Variants in KIF1B observed in about 807,000 individuals in gnomAD.
KIF1B encodes the protein kinesin-like protein KIF1B.
In KIF1B, 76 loss-of-function variants were observed where a neutral mutation model predicts 241.9. The ratio of observed to expected loss-of-function variants is 0.31; its 90% confidence interval spans 0.26 to 0.38. KIF1B has a LOEUF of 0.38. Ranked by LOEUF, KIF1B falls within the 10% of genes least tolerant of loss-of-function variation. The pLI is 1.00. For synonymous variants in KIF1B, 750 were observed against 796.7 expected (o/e 0.94, Z 0.99); for missense variants, 1,622 against 2,271.4 (o/e 0.71, Z 5.81).
intron 22 of KIF1B, chr1:10,306,945 C>T (rs1650861226): frequency 1.9e-6 from 2 of 1,044,004 alleles, no homozygotes; most frequent in African/African-American, 3.3e-5. Context: ...TTAGGTAATA[C>T]TGTAGAATGA....
intron 1 of KIF1B, among the ~76,000 whole-genome samples, chr1:10,214,335 G>T (rs1246751097): frequency 1.3e-5 from 2 of 151,614 alleles, no homozygotes; most frequent in East Asian, 1.9e-4. Flanking sequence ...TGTCACCCAG[G>T]CTGGAGTGCA....
chr1:10,363,809 C>T (rs1029980934), intron 41 of KIF1B, among the ~76,000 whole-genome samples: 2 of 152,184 alleles, frequency 1.3e-5, no homozygotes, highest in African/African-American at 4.8e-5. Context: ...CAGCACTTAG[C>T]ATTTCTATGT....
In KIF1B at chr1:10,304,202, A is replaced by G. The variant is rs148481786; in HGVS notation, c.2115+6956A>G. On this transcript the variant is annotated intron_variant, in intron 22 of 48. Transcript: ENST00000676179. Reference sequence around the variant, plus strand: ...AAAGGGAATAAAGAAGAGAGCCAAGAAAAAGGGGGTAAAGGAGCTTTTAAG... The same window carrying G: ...AAAGGGAATAAAGAAGAGAGCCAAGGAAAAGGGGGTAAAGGAGCTTTTAAG... The G allele has an allele frequency of 5.5e-3, 8,921 of 1,614,182 alleles. 47 individuals are homozygous for G. Among genetic ancestry groups the G allele is most frequent in the Non-Finnish European group, 5.6e-3 (6,612 of 1,180,014 alleles).
Position 10,324,653 on chromosome 1 carries a change from C to CT in KIF1B, c.2538-92dup, listed in dbSNP as rs201407650. ...TAACATTAAACAGTGGGAGCAACTC[C>CT]TTTTTTTTTTTTTGAAGAAAATCTT... On this transcript the variant is annotated intron_variant, in intron 25 of 48. Coordinates refer to ENST00000676179, the MANE Select transcript of KIF1B (RefSeq NM_001365951.3). 0.1 allele frequency: 112,374 copies of CT among 1,091,700 alleles called. 446 individuals carry two copies. The highest frequency in any genetic ancestry group is 0.16 in the East Asian group (5,774 of 35,552). The allele number at this position is 1,091,700 out of a possible 1,614,324, so 67.6% of individuals were successfully genotyped here. A position where few individuals can be genotyped will look rare whatever the true frequency, so the allele number is the denominator to read the frequency against.
chr1:10,245,484 AG>A (rs1647197616), intron 2 of KIF1B, among the ~76,000 whole-genome samples: 1 of 152,166 alleles, frequency 6.6e-6, no homozygotes, highest in African/African-American at 2.4e-5. Context: ...AGCTCTCCTA[AG>A]GTTAGTGTTG....
chr1:10,307,603 C>T, intron 22 of KIF1B: 1 of 1,010,056 alleles, frequency 9.9e-7, no homozygotes, highest in Non-Finnish European at 1.2e-6. Context: ...AGCCACCGCG[C>T]CTGGCCTGTT....
intron 17 of KIF1B, among the ~76,000 whole-genome samples, chr1:10,293,801 C>A (rs1650127116): frequency 6.6e-6 from 1 of 152,146 alleles, no homozygotes; most frequent in African/African-American, 2.4e-5. Context: ...AAAGTGAGAT[C>A]TCTGCTTCCA....
intron 2 of KIF1B, among the ~76,000 whole-genome samples, chr1:10,250,712 A>G (rs1647389477): frequency 6.6e-6 from 1 of 152,120 alleles, no homozygotes; most frequent in Non-Finnish European, 1.5e-5. Flanking sequence ...TATAGGCCCA[A>G]TTACTTGGGA....
At position 10,376,711 on chromosome 1, in the gene KIF1B, C is replaced by A; in HGVS notation, c.*124C>A. 1.0e-6 allele frequency: 1 copy of A among 964,212 alleles called. No homozygotes were observed. Among genetic ancestry groups the A allele is most frequent in the South Asian group, 1.3e-5 (1 of 77,166 alleles). 59.7% of individuals were successfully genotyped at this position (964,212 alleles called of 1,614,324 possible). On this transcript the variant is annotated 3_prime_UTR_variant, in exon 49 of 49. Coordinates refer to ENST00000676179, the MANE Select transcript of KIF1B (RefSeq NM_001365951.3). The stretch of plus-strand genomic sequence containing the variant: ...CCTGTGGCTTAACTACTTCTCCCTC[C>A]TTGTCCAGCACTTTTCTAGCTCTCC...
intron 8 of KIF1B, 71 bp downstream of exon 8, chr1:10,271,650 T>C: frequency 2.9e-6 from 3 of 1,019,336 alleles, no homozygotes; most frequent in Admixed American, 1.7e-5. Flanking sequence ...TAAAATTTTA[T>C]TGAAACACAG....
intron 22 of KIF1B, among the ~76,000 whole-genome samples, chr1:10,319,103 C>CT (rs1267312262): frequency 0.069 from 9,070 of 131,856 alleles, 616 homozygotes; most frequent in African/African-American, 0.19. Flanking sequence ...TACAATAATC[C>CT]TTTTTTTTTT....
At chr1:10,372,661 G>C (rs1296806408) in intron 45 of KIF1B, among the ~76,000 whole-genome samples, 1 of 120,528 alleles carries the variant, frequency 8.3e-6, no homozygotes, top group Non-Finnish European at 1.7e-5. Flanking sequence ...TTGGGTGACA[G>C]AGCTGTCACC....
chr1:10,342,766 T>A (rs1652448230), intron 33 of KIF1B, among the ~76,000 whole-genome samples: 1 of 152,242 alleles, frequency 6.6e-6, no homozygotes, highest in Non-Finnish European at 1.5e-5. Context: ...GTAGTCTTTT[T>A]CTTTCTCTTG....
At position 10,380,277 on chromosome 1, in the gene KIF1B, C is replaced by A. The variant is rs540616562; in HGVS notation, c.*3690C>A. The A allele has an allele frequency of 1.0e-3, 216 of 212,324 alleles. No individual in the cohort carries two copies. The highest frequency in any genetic ancestry group is 4.4e-3 in the African/African-American group (193 of 44,252). 13.2% of individuals were successfully genotyped at this position (212,324 alleles called of 1,614,324 possible). A position where few individuals can be genotyped will look rare whatever the true frequency, so the allele number is the denominator to read the frequency against. ...GAAAGGATTCTCCAGTGTGCACACT[C>A]ATCGGTACTCTTTCTGCATTTCCCT... On this transcript the variant is annotated 3_prime_UTR_variant, in exon 49 of 49. Transcript: ENST00000676179.
intron 24 of KIF1B, among the ~76,000 whole-genome samples, chr1:10,322,589 C>A (rs1279314748): frequency 6.6e-6 from 1 of 152,122 alleles, no homozygotes; most frequent in African/African-American, 2.4e-5. Flanking sequence ...CAGTGGAAGA[C>A]CATATTGTGT....
chr1:10,318,211 T>C (rs1004258071), intron 22 of KIF1B, among the ~76,000 whole-genome samples: 1 of 151,520 alleles, frequency 6.6e-6, no homozygotes, highest in African/African-American at 2.4e-5. Context: ...TGAGAATAAC[T>C]GACAAACGAC....
At chr1:10,283,702 A>C (rs1649548608) in intron 15 of KIF1B, among the ~76,000 whole-genome samples, 1 of 152,204 alleles carries the variant, frequency 6.6e-6, no homozygotes, top group Admixed American at 6.5e-5. Flanking sequence ...AGATAGTTTG[A>C]CCCATACCTT....
chr1:10,340,955 G>A (rs1289268214), intron 32 of KIF1B, among the ~76,000 whole-genome samples: 1 of 152,142 alleles, frequency 6.6e-6, no homozygotes, highest in Non-Finnish European at 1.5e-5. Flanking sequence ...GAGGAAAGGA[G>A]AACTTCAAAG....
chr1:10,301,460 G>T (rs912759687), intron 22 of KIF1B, among the ~76,000 whole-genome samples: 1 of 152,052 alleles, frequency 6.6e-6, no homozygotes, highest in African/African-American at 2.4e-5. Flanking sequence ...GAAGTCAGGA[G>T]TTCAAGACCA....
Sources: allele counts gnomAD v4.1 joint callset (sites outside exome capture counted in the v4.1 genomes callset), GRCh38; gene constraint gnomAD v4.1.1; transcripts MANE v1.5; gene names NCBI Gene and HGNC (gene_info 2026-07-23, HGNC 2026-07-21).